CDH8: variants seen among roughly 807,000 people sequenced by gnomAD.
CDH8 encodes the protein cadherin 8, also known as cadherin-8.
A neutral mutation model predicts 68.1 loss-of-function variants in CDH8; 17 were observed. That is an observed-to-expected ratio of 0.25 (90% CI 0.17 to 0.37). The LOEUF is 0.37. Ranked by LOEUF, CDH8 falls within the 10% of genes least tolerant of loss-of-function variation. The pLI is 1.00. For missense variants in CDH8, 763 were observed against 999.3 expected (o/e 0.76, Z 3.19); for synonymous variants, 372 against 365.1 (o/e 1.02, Z -0.21).
chr16:61,929,507 C>T (rs1964507790), intron 2 of CDH8, among the ~76,000 whole-genome samples: 1 of 152,182 alleles, frequency 6.6e-6, no homozygotes, highest in African/African-American at 2.4e-5. Flanking sequence ...ACTGACTGAG[C>T]TTACCAGCAG....
At position 62,002,976 on chromosome 16, in the gene CDH8, C is replaced by T. The variant is rs368708675; in HGVS notation, c.252+18176G>A. Among the ~76,000 whole-genome samples the T allele has an allele frequency of 9.9e-5, 15 of 152,140 alleles. No individual in the cohort carries two copies. The East Asian group carries it at 1.2e-3, about 12-fold the overall frequency. ...GCTGAGGCGGGAGAATGGCGTGAAC[C>T]GGAAGGCGGAACTTGCAGTGAGCAG... On this transcript the variant is annotated intron_variant, in intron 2 of 11. Transcript: ENST00000577390.
At chr16:61,892,532 G>T (rs1426696574) in intron 3 of CDH8, among the ~76,000 whole-genome samples, 2 of 151,392 alleles carry the variant, frequency 1.3e-5, no homozygotes, top group Non-Finnish European at 2.9e-5. Flanking sequence ...ACTTTTTTTT[G>T]CACTAAACCA....
intron 3 of CDH8, among the ~76,000 whole-genome samples, chr16:61,892,353 G>T (rs1283284412): frequency 2.0e-5 from 3 of 151,718 alleles, no homozygotes; most frequent in South Asian, 2.1e-4. Context: ...TAGTTACTGG[G>T]GTCATATAAA....
At chr16:61,933,840 T>C (rs950170699) in intron 2 of CDH8, among the ~76,000 whole-genome samples, 3 of 152,206 alleles carry the variant, frequency 2.0e-5, no homozygotes, top group African/African-American at 7.2e-5. Context: ...TTTTACAATG[T>C]TTCCCAAAGA....
chr16:61,736,918 A>G (rs778322583), intron 8 of CDH8, among the ~76,000 whole-genome samples: 6 of 152,198 alleles, frequency 3.9e-5, no homozygotes, highest in Admixed American at 1.3e-4. Context: ...GCTAAACACA[A>G]GAGATGTGAC....
At chr16:61,857,309 AG>A in intron 3 of CDH8, 71 bp from the exon 4 acceptor site, 1 of 1,367,760 alleles carries the variant, frequency 7.3e-7, no homozygotes, top group Non-Finnish European at 1.0e-6. Context: ...CATTTTGTCA[AG>A]TATTTTATAC....
intron 2 of CDH8, among the ~76,000 whole-genome samples, chr16:61,966,266 G>A (rs1269728901): frequency 3.9e-5 from 6 of 152,098 alleles, no homozygotes; most frequent in Non-Finnish European, 5.9e-5. Flanking sequence ...TGGGCCGGGC[G>A]CCGTGGCTCA....
At chr16:61,817,220 C>T (rs1375745667) in intron 7 of CDH8, among the ~76,000 whole-genome samples, 1 of 152,080 alleles carries the variant, frequency 6.6e-6, no homozygotes, top group Non-Finnish European at 1.5e-5. Flanking sequence ...TTTCATAGAG[C>T]TCTCTAAGAG....
At chr16:61,774,435 C>A (rs1372469335) in intron 8 of CDH8, among the ~76,000 whole-genome samples, 1 of 142,110 alleles carries the variant, frequency 7.0e-6, no homozygotes, top group Non-Finnish European at 1.5e-5. Flanking sequence ...TCTGCCCTTT[C>A]TGTCTCAGCT....
intron 8 of CDH8, among the ~76,000 whole-genome samples, chr16:61,781,829 A>G (rs1961064849): frequency 6.6e-6 from 1 of 152,204 alleles, no homozygotes; most frequent in South Asian, 2.1e-4. Context: ...AAATGAGGTT[A>G]ACACTTCTAA....
intron 8 of CDH8, among the ~76,000 whole-genome samples, chr16:61,738,330 G>A (rs796855078): frequency 2.0e-5 from 3 of 152,252 alleles, no homozygotes; most frequent in South Asian, 2.1e-4. Context: ...TTCGTCTTCA[G>A]TGAACCTGGA....
intron 1 of CDH8, among the ~76,000 whole-genome samples, chr16:62,026,284 A>T (rs1196007448): frequency 2.0e-5 from 3 of 152,352 alleles, no homozygotes; most frequent in East Asian, 1.9e-4. Flanking sequence ...ACGTGCATCC[A>T]AATTACCTGG....
At chr16:61,890,443 T>C (rs914367917) in intron 3 of CDH8, among the ~76,000 whole-genome samples, 2 of 152,290 alleles carry the variant, frequency 1.3e-5, no homozygotes, top group Non-Finnish European at 2.9e-5. Flanking sequence ...TTGTTAGTGC[T>C]GAGCCAATTC....
intron 3 of CDH8, among the ~76,000 whole-genome samples, chr16:61,879,540 T>C (rs1484618416): frequency 1.3e-5 from 2 of 152,200 alleles, no homozygotes; most frequent in Admixed American, 6.5e-5. Context: ...ATGAATGCTA[T>C]GATTTGCACC....
chr16:61,951,512 C>CAAA (rs574416496), intron 2 of CDH8, among the ~76,000 whole-genome samples: 11,844 of 72,514 alleles, frequency 0.16, 777 homozygotes, highest in East Asian at 0.35. Context: ...GACTCCGTCT[C>CAAA]AAAAAAAAAA....
chr16:61,734,861 A>T (rs1188429382), intron 8 of CDH8, among the ~76,000 whole-genome samples: 5 of 152,006 alleles, frequency 3.3e-5, no homozygotes, highest in Admixed American at 3.3e-4. Context: ...AAATTACCAC[A>T]AGCTTCATGC....
intron 10 of CDH8, among the ~76,000 whole-genome samples, chr16:61,706,577 C>T (rs1460951999): frequency 6.9e-6 from 1 of 143,928 alleles, no homozygotes; most frequent in East Asian, 2.1e-4. Flanking sequence ...GCCGAGATCG[C>T]GCCACCGCAC....
At chr16:61,892,017 T>G (rs914049264) in intron 3 of CDH8, among the ~76,000 whole-genome samples, 4 of 152,196 alleles carry the variant, frequency 2.6e-5, no homozygotes, top group African/African-American at 9.6e-5. Flanking sequence ...TCCTTTGATC[T>G]TTTAAACCTA....
In CDH8 at chr16:61,789,405, G is replaced by C; in HGVS notation, c.1355C>G (p.Thr452Arg). ...TACACTTAATTCTCTGTCAAGTGGTGTTGCCAGCGTTATCTTCCCATCGTC... is the reference window on the plus strand; with the variant it reads ...TACACTTAATTCTCTGTCAAGTGGTCTTGCCAGCGTTATCTTCCCATCGTC... ...NADDGKITLA[T>R]PLDRELSVWH... Residue 452 changes from threonine (T) to arginine (R), a missense_variant, in exon 8 of 12, where the codon ACA (threonine) becomes AGA (arginine). Thr to Arg is a moderately conservative substitution (Grantham distance 71, BLOSUM62 -1). Around this residue, in one of 2 missense-constraint regions of CDH8, gnomAD observed 397 missense variants for 436.2 expected, o/e 0.91. Transcript: ENST00000577390. 1.2e-6 allele frequency: 2 copies of C among 1,612,944 alleles called. No individual in the cohort carries two copies. Among genetic ancestry groups the C allele is most frequent in the Non-Finnish European group, 1.7e-6 (2 of 1,179,186 alleles).
Sources: allele counts gnomAD v4.1 joint callset (sites outside exome capture counted in the v4.1 genomes callset), GRCh38; gene constraint gnomAD v4.1.1; regional missense constraint gnomAD v4.1.1; transcripts MANE v1.5; gene names NCBI Gene and HGNC (gene_info 2026-07-23, HGNC 2026-07-21).